Variants in EEF1AKMT1 observed in about 807,000 individuals in gnomAD.
EEF1AKMT1 encodes EEF1A lysine methyltransferase 1.
EEF1AKMT1 carries 18 observed loss-of-function variants against 21.0 expected under a neutral mutation model. The ratio of observed to expected loss-of-function variants is 0.86; its 90% CI spans 0.59 to 1.27. The LOEUF (loss-of-function observed/expected upper bound fraction) is 1.27. Ranked by LOEUF, EEF1AKMT1 falls within the 50% of genes most tolerant of loss-of-function variation. The probability of loss-of-function intolerance (pLI) is 0.00; values close to 1 mark genes in which losing one functional copy is unlikely to be tolerated. For missense variants in EEF1AKMT1, 246 were observed against 258.6 expected (o/e 0.95, Z 0.33); for synonymous variants, 109 against 94.8 (o/e 1.15, Z -0.87).
intron 1 of EEF1AKMT1, among the ~76,000 whole-genome samples, chr13:20,759,495 G>C (rs563403349): frequency 2.2e-4 from 33 of 152,146 alleles, no homozygotes; most frequent in African/African-American, 7.2e-4. Flanking sequence ...CAGGAGAATG[G>C]CGTGAACCTG....
At chr13:20,730,016 G>C (rs998830133) in intron 4 of EEF1AKMT1, among the ~76,000 whole-genome samples, 2 of 152,226 alleles carry the variant, frequency 1.3e-5, no homozygotes, top group African/African-American at 4.8e-5. Flanking sequence ...GGGGCCTCCT[G>C]CCCCGACTCT....
rs2058954531 is a variant in EEF1AKMT1 at position 20,753,547 on chromosome 13, C to T, written c.144+3908G>A. The stretch of plus-strand genomic sequence containing the variant: ...GTATCCAGCTATTACTGTATTCGTG[C>T]CTATCTCTCCTTTTAGATGTAATAA... On this transcript the variant is annotated intron_variant, in intron 2 of 4. Transcript: ENST00000382758. 2.6e-5 allele frequency among the ~76,000 whole-genome samples: 4 copies of T among 152,112 alleles called. No individual in the cohort carries two copies. The South Asian group carries it at 8.3e-4, about 31-fold the overall frequency.
chr13:20,767,819 T>C (rs2059043365), intron 1 of EEF1AKMT1, among the ~76,000 whole-genome samples: 1 of 152,226 alleles, frequency 6.6e-6, no homozygotes, highest in Non-Finnish European at 1.5e-5. Flanking sequence ...GATGCTTTCT[T>C]CATTTTAAAC....
At chr13:20,742,863 G>A (rs916542155) in intron 2 of EEF1AKMT1, among the ~76,000 whole-genome samples, 1 of 152,130 alleles carries the variant, frequency 6.6e-6, no homozygotes, top group African/African-American at 2.4e-5. Flanking sequence ...ATGGACATCT[G>A]GATATTAATC....
chr13:20,745,545 TA>T (rs2058898564), intron 2 of EEF1AKMT1, among the ~76,000 whole-genome samples: 1 of 152,124 alleles, frequency 6.6e-6, no homozygotes, highest in African/African-American at 2.4e-5. Flanking sequence ...GGAATGGTTC[TA>T]AATCACTCAA....
chr13:20,739,792 T>G (rs895775530), intron 2 of EEF1AKMT1, among the ~76,000 whole-genome samples: 1 of 152,248 alleles, frequency 6.6e-6, no homozygotes, highest in Non-Finnish European at 1.5e-5. Context: ...GAGTGCTGAT[T>G]GGTGCATTTA....
At chr13:20,767,750 C>T (rs578260094) in intron 1 of EEF1AKMT1, among the ~76,000 whole-genome samples, 13 of 152,290 alleles carry the variant, frequency 8.5e-5, no homozygotes, top group African/African-American at 3.1e-4. Context: ...CTGCCCTTCC[C>T]TTTCAGGGAC....
chr13:20,760,311 G>C (rs557567423), intron 1 of EEF1AKMT1, among the ~76,000 whole-genome samples: 1 of 152,160 alleles, frequency 6.6e-6, no homozygotes, highest in Admixed American at 6.5e-5. Context: ...AGATGGGCTG[G>C]ATAAAGAAAA....
chr13:20,766,945 T>C (rs2059037231), intron 1 of EEF1AKMT1, among the ~76,000 whole-genome samples: 1 of 152,202 alleles, frequency 6.6e-6, no homozygotes, highest in Admixed American at 6.5e-5. Context: ...TTGTTATAAA[T>C]GCCACACTAC....
intron 1 of EEF1AKMT1, among the ~76,000 whole-genome samples, chr13:20,764,828 G>A (rs2059018782): frequency 7.8e-6 from 1 of 127,948 alleles, no homozygotes; most frequent in Non-Finnish European, 1.8e-5. Flanking sequence ...AAGTGCTCAT[G>A]CTTTTAAAAA....
intron 1 of EEF1AKMT1, among the ~76,000 whole-genome samples, chr13:20,763,201 T>C (rs2059009927): frequency 6.6e-6 from 1 of 152,208 alleles, no homozygotes; most frequent in African/African-American, 2.4e-5. Flanking sequence ...TGGAAAAGAC[T>C]GTGTACAATC....
intron 1 of EEF1AKMT1, among the ~76,000 whole-genome samples, chr13:20,773,651 GGCGCCAACGT>G (rs2059074622): frequency 6.6e-6 from 1 of 152,236 alleles, no homozygotes; most frequent in Non-Finnish European, 1.5e-5. Flanking sequence ...CTAAGGCCCG[GGCGCCAACGT>G]GCGCGGCACA....
At position 20,729,339 on chromosome 13, in the gene EEF1AKMT1, G is replaced by T. The variant is rs969247178; in HGVS notation, c.509-123C>A. 5.5e-6 allele frequency: 6 copies of T among 1,100,822 alleles called. No individual in the cohort carries two copies. The African/African-American group carries it at 9.3e-5, about 17-fold the overall frequency. 68.2% of individuals were successfully genotyped at this position (1,100,822 alleles called of 1,614,324 possible). ...GCAATTAGTTGACAATTCACAAGTG[G>T]GGGGAGGGAGCGAGTGTTCTTTACA... On this transcript the variant is annotated intron_variant, in intron 4 of 4. Transcript: ENST00000382758.
intron 1 of EEF1AKMT1, among the ~76,000 whole-genome samples, chr13:20,768,690 C>A (rs553612616): frequency 3.3e-5 from 5 of 151,714 alleles, no homozygotes; most frequent in African/African-American, 7.3e-5. Flanking sequence ...TTGGACACCT[C>A]AATCTTTTGA....
chr13:20,773,562 G>A (rs2059073954), intron 1 of EEF1AKMT1, among the ~76,000 whole-genome samples: 10 of 152,248 alleles, frequency 6.6e-5, no homozygotes, highest in Admixed American at 6.5e-4. Flanking sequence ...GCCGAGTCCT[G>A]TTTCTACTCG....
In EEF1AKMT1 at chr13:20,729,034, G is replaced by C; in HGVS notation, c.*46C>G. 1 of 1,608,890 alleles carries C rather than the reference G, an allele frequency of 6.2e-7. No homozygotes were observed. Among genetic ancestry groups the C allele is most frequent in the Non-Finnish European group, 8.5e-7 (1 of 1,175,594 alleles). On this transcript the variant is annotated 3_prime_UTR_variant, in exon 5 of 5. Coordinates refer to ENST00000382758, the MANE Select transcript of EEF1AKMT1 (RefSeq NM_001318939.2). ...TAAATCTACTACGAAAATACAAAAA[G>C]AGGAATGTGACAGGGTTCCTTCCTG... is the stretch of plus-strand genomic sequence containing the variant.
intron 2 of EEF1AKMT1, among the ~76,000 whole-genome samples, chr13:20,738,279 C>G (rs1324500487): frequency 6.6e-6 from 1 of 152,254 alleles, no homozygotes; most frequent in Non-Finnish European, 1.5e-5. Flanking sequence ...CTCATCTTAC[C>G]TTATGCATGT....
intron 3 of EEF1AKMT1, among the ~76,000 whole-genome samples, 173 bp downstream of exon 3, chr13:20,737,550 T>G (rs992251441): frequency 1.3e-5 from 2 of 152,268 alleles, no homozygotes; most frequent in Non-Finnish European, 2.9e-5. Flanking sequence ...AATAGGTTTC[T>G]GAGTGGGTCT....
chr13:20,767,673 A>G (rs2059042535), intron 1 of EEF1AKMT1, among the ~76,000 whole-genome samples: 1 of 151,770 alleles, frequency 6.6e-6, no homozygotes, highest in Non-Finnish European at 1.5e-5. Flanking sequence ...CGTTTCTTGT[A>G]TTTTGTGTTT....
Sources: gnomAD v4.1 joint callset for allele counts (sites outside exome capture counted in the v4.1 genomes callset) on GRCh38, gnomAD v4.1.1 for gene constraint, MANE v1.5 for transcripts, NCBI Gene and HGNC (gene_info 2026-07-23, HGNC 2026-07-21) for gene names.